The following ITGA8 variants were observed in gnomAD, a reference collection of about 807,000 sequenced individuals.
ITGA8 encodes integrin subunit alpha 8, also known as integrin alpha-8.
A neutral mutation model predicts 142.3 loss-of-function variants in ITGA8; 91 were observed. The ratio of observed to expected loss-of-function variants is 0.64; its 90% CI spans 0.54 to 0.76. The LOEUF (loss-of-function observed/expected upper bound fraction) is 0.76. Among genes scored for constraint, ITGA8 ranks in the 30% least tolerant of loss-of-function variants. The pLI, the probability that ITGA8 is intolerant of heterozygous loss-of-function variation, is 0.00. For synonymous variants in ITGA8, 505 were observed against 485.2 expected (o/e 1.04, Z -0.54); for missense variants, 1,406 against 1,327.7 (o/e 1.06, Z -0.92).
chr10:15,653,845 T>C (rs12783604), intron 11 of ITGA8, among the ~76,000 whole-genome samples: 1 of 112,068 alleles, frequency 8.9e-6, no homozygotes, highest in Non-Finnish European at 2.0e-5. Flanking sequence ...TTTTTTTTTT[T>C]CTTGTTTGAG....
chr10:15,608,425 C>CCA, intron 15 of ITGA8, 135 bp from the exon 16 acceptor site: 4 of 379,798 alleles, frequency 1.1e-5, no homozygotes, highest in East Asian at 8.6e-5. Context: ...ACACACACAC[C>CCA]CACACACACA....
intron 13 of ITGA8, among the ~76,000 whole-genome samples, chr10:15,643,468 C>G (rs45466697): frequency 6.6e-6 from 1 of 151,852 alleles, no homozygotes. Flanking sequence ...TTAGTAGAGA[C>G]GGGGTTTTAC....
intron 28 of ITGA8, among the ~76,000 whole-genome samples, chr10:15,529,363 A>G (rs1833246333): frequency 6.6e-6 from 1 of 152,226 alleles, no homozygotes; most frequent in Non-Finnish European, 1.5e-5. Flanking sequence ...TCTTGTTAAC[A>G]ATTCCATCAG....
chr10:15,520,692 C>G (rs748402083), intron 28 of ITGA8, among the ~76,000 whole-genome samples: 1 of 152,218 alleles, frequency 6.6e-6, no homozygotes, highest in Non-Finnish European at 1.5e-5. Context: ...AAGAAAAGAG[C>G]GCTACATTAT....
chr10:15,691,944 C>T (rs1429057089), intron 2 of ITGA8, among the ~76,000 whole-genome samples: 2 of 151,968 alleles, frequency 1.3e-5, no homozygotes, highest in African/African-American at 4.8e-5. Context: ...TAAATATATA[C>T]AATTTTTTTT....
At chr10:15,689,775 A>G (rs899335786) in intron 2 of ITGA8, among the ~76,000 whole-genome samples, 5 of 152,026 alleles carry the variant, frequency 3.3e-5, no homozygotes, top group African/African-American at 1.2e-4. Flanking sequence ...GCGTGCACCA[A>G]TCCCCAGCCA....
intron 13 of ITGA8, among the ~76,000 whole-genome samples, chr10:15,641,969 A>G (rs1322430416): frequency 6.6e-6 from 1 of 152,016 alleles, no homozygotes; most frequent in East Asian, 1.9e-4. Flanking sequence ...CTCTACTAAA[A>G]CTACAAAAAT....
intron 19 of ITGA8, among the ~76,000 whole-genome samples, chr10:15,604,909 G>C (rs1048075223): frequency 4.6e-5 from 7 of 152,090 alleles, no homozygotes; most frequent in African/African-American, 7.2e-5. Context: ...GGACTTCAAG[G>C]TATTTTGAAG....
intron 4 of ITGA8, among the ~76,000 whole-genome samples, chr10:15,679,036 T>C (rs1008652715): frequency 3.9e-5 from 6 of 152,210 alleles, no homozygotes; most frequent in Non-Finnish European, 8.8e-5. Context: ...GGCTACTCTA[T>C]TGGGTTTTAT....
intron 13 of ITGA8, among the ~76,000 whole-genome samples, chr10:15,622,217 A>G (rs927543815): frequency 7.2e-5 from 11 of 152,124 alleles, no homozygotes; most frequent in Admixed American, 3.9e-4. Flanking sequence ...TCAGGGGAGC[A>G]GTCTCTGTGG....
rs1233235352 is a variant in ITGA8, at chr10:15,644,485, TATATATAG to T, written c.1208-272_1208-265del. Among the ~76,000 whole-genome samples, 33 of 19,882 alleles carry T rather than the reference TATATATAG, an allele frequency of 1.7e-3. 3 individuals are homozygous for T. The highest frequency in any genetic ancestry group is 6.5e-3 in the South Asian group (1 of 154). 13.0% of individuals were successfully genotyped at this position (19,882 alleles called of 152,430 possible). On this transcript the variant is annotated intron_variant, in intron 12 of 29. Coordinates refer to ENST00000378076, the MANE Select transcript of ITGA8 (RefSeq NM_003638.3). The stretch of plus-strand genomic sequence containing the variant: ...ATATATATATATATATATATATATA[TATATATAG>T]AATTTTTTTTTTTTTTTGAGCAATG...
At chr10:15,698,135 C>G (rs1184426458) in intron 2 of ITGA8, among the ~76,000 whole-genome samples, 1 of 152,160 alleles carries the variant, frequency 6.6e-6, no homozygotes, top group East Asian at 1.9e-4. Flanking sequence ...GCTTAGCTCC[C>G]ACTTATCAGT....
intron 27 of ITGA8, among the ~76,000 whole-genome samples, chr10:15,543,703 G>C (rs1391070604): frequency 6.6e-6 from 1 of 152,148 alleles, no homozygotes; most frequent in Non-Finnish European, 1.5e-5. Context: ...CTTTGTTAGT[G>C]GGGATGGAAG....
intron 23 of ITGA8, among the ~76,000 whole-genome samples, chr10:15,578,807 C>A (rs1436214428): frequency 2.0e-5 from 3 of 152,050 alleles, no homozygotes; most frequent in Non-Finnish European, 4.4e-5. Flanking sequence ...TTCATGGACT[C>A]AGTGTATGTG....
At chr10:15,695,702 A>G (rs920686219) in intron 2 of ITGA8, among the ~76,000 whole-genome samples, 2 of 152,204 alleles carry the variant, frequency 1.3e-5, no homozygotes, top group African/African-American at 4.8e-5. Context: ...TACATTTCCT[A>G]GACTTTCTAA....
intron 11 of ITGA8, among the ~76,000 whole-genome samples, chr10:15,650,942 T>C (rs1750602012): frequency 6.6e-6 from 1 of 152,206 alleles, no homozygotes; most frequent in South Asian, 2.1e-4. Flanking sequence ...TGAATCATAA[T>C]GATATATCCT....
intron 2 of ITGA8, among the ~76,000 whole-genome samples, chr10:15,695,287 T>A (rs1270253465): frequency 1.3e-5 from 2 of 152,198 alleles, no homozygotes; most frequent in Admixed American, 6.5e-5. Context: ...GACGAGTTTT[T>A]AATCTGGTGT....
chr10:15,568,286 G>T (rs1264263990), intron 25 of ITGA8, among the ~76,000 whole-genome samples: 1 of 152,154 alleles, frequency 6.6e-6, no homozygotes, highest in Non-Finnish European at 1.5e-5. Context: ...GTCTGCCCCT[G>T]CCCCATCCCA....
At chr10:15,530,113 G>T (rs1295437426) in intron 28 of ITGA8, among the ~76,000 whole-genome samples, 1 of 152,214 alleles carries the variant, frequency 6.6e-6, no homozygotes, top group Non-Finnish European at 1.5e-5. Flanking sequence ...AAAAGGCAGA[G>T]TTTTGGTGAT....
Sources: allele counts gnomAD v4.1 joint callset (sites outside exome capture counted in the v4.1 genomes callset), GRCh38; gene constraint gnomAD v4.1.1; transcripts MANE v1.5; gene names NCBI Gene and HGNC (gene_info 2026-07-23, HGNC 2026-07-21).